The following SZRD1 variants were observed in gnomAD, a reference collection of about 807,000 sequenced individuals.
SZRD1 encodes SUZ RNA-binding domain-containing.
In SZRD1, 7 loss-of-function variants were observed where a neutral mutation model predicts 17.6. The observed-to-expected ratio is 0.40, with a 90% CI of 0.23 to 0.75. The LOEUF is 0.75. SZRD1 is among the 30% of genes least tolerant of loss of function. SZRD1 has a pLI of 0.38. For synonymous variants in SZRD1, 77 were observed against 77.9 expected, an observed-to-expected ratio of 0.99 and a Z score of 0.06; for missense variants, 178 against 201.8, an observed-to-expected ratio of 0.88 and a Z score of 0.71.
At chr1:16,394,330 TG>T (rs542770754) in intron 3 of SZRD1, among the ~76,000 whole-genome samples, 3 of 151,850 alleles carry the variant, frequency 2.0e-5, no homozygotes, top group Admixed American at 2.0e-4. Context: ...AGGGAAGAAT[TG>T]GGGGGCGGGG....
At chr1:16,394,117 G>T (rs1376286752) in intron 3 of SZRD1, among the ~76,000 whole-genome samples, 4 of 152,138 alleles carry the variant, frequency 2.6e-5, no homozygotes, top group Non-Finnish European at 5.9e-5. Context: ...CATTAAGATG[G>T]CCTCCTTCTA....
chr1:16,391,520 TC>T lies in SZRD1; in HGVS notation c.101+98del. Reference sequence around the variant, plus strand: ...CCAGCTGGCCATTAGGATTAGCAGGTCCTAGCAGGTCAGGCTCTGGGGCAGC... The same window carrying T: ...CCAGCTGGCCATTAGGATTAGCAGGTCTAGCAGGTCAGGCTCTGGGGCAGC... On this transcript the variant is annotated intron_variant, in intron 2 of 3. Transcript: ENST00000401088. The surrounding 1 kb of genome is among the most constrained non-coding windows in gnomAD (Gnocchi z 4.3). The T allele has an allele frequency of 9.5e-7, 1 of 1,057,234 alleles. No individual in the cohort carries two copies. Among genetic ancestry groups the T allele is most frequent in the South Asian group, 1.4e-5 (1 of 70,200 alleles). 65.5% of individuals were successfully genotyped at this position (1,057,234 alleles called of 1,614,324 possible).
chr1:16,378,608 G>A (rs1312922706), intron 1 of SZRD1, among the ~76,000 whole-genome samples: 1 of 151,908 alleles, frequency 6.6e-6, no homozygotes, highest in Non-Finnish European at 1.5e-5. Flanking sequence ...ATAGCTTTAA[G>A]ATCGGGGCCT....
At chr1:16,384,946 G>A (rs2083164235) in intron 1 of SZRD1, among the ~76,000 whole-genome samples, 1 of 152,140 alleles carries the variant, frequency 6.6e-6, no homozygotes, top group African/African-American at 2.4e-5. Context: ...CTCAAGGCCA[G>A]TTGTTATTCT....
rs770899882 is a variant in SZRD1, at chr1:16,398,057, C to T, written c.*2917C>T. 5.0e-5 allele frequency: 44 copies of T among 888,026 alleles called. No homozygotes were observed. Among genetic ancestry groups the T allele is most frequent in the Non-Finnish European group, 5.8e-5 (43 of 741,262 alleles). The allele number at this position is 888,026 out of a possible 1,614,324, so 55.0% of individuals were successfully genotyped here. A position where few individuals can be genotyped will look rare whatever the true frequency, so the allele number is the denominator to read the frequency against. ...TGCTGGTGTAGCGGGCAGCTGCCCA[C>T]TCCCACCCCACCCTGCACCGCGGGC... On this transcript the variant is annotated 3_prime_UTR_variant, in exon 4 of 4. Coordinates refer to ENST00000401088, the MANE Select transcript of SZRD1 (RefSeq NM_001114600.3).
chr1:16,394,937 A>T (rs775226261), intron 3 of SZRD1, 101 bp from the exon 4 acceptor site: 7 of 724,734 alleles, frequency 9.7e-6, no homozygotes, highest in Non-Finnish European at 1.6e-5. Flanking sequence ...TCTAGGTGAC[A>T]GAATGAGACT....
intron 1 of SZRD1, among the ~76,000 whole-genome samples, chr1:16,378,859 TG>T (rs1014754131): frequency 2.6e-5 from 4 of 151,992 alleles, no homozygotes; most frequent in African/African-American, 9.7e-5. Flanking sequence ...CCCGAGTAGC[TG>T]GGATTACAGG....
Position 16,395,030 on chromosome 1 carries a change from C to T in SZRD1, c.357-8C>T. 1 of 1,567,956 alleles carries T rather than the reference C, an allele frequency of 6.4e-7. No homozygotes were observed. Among genetic ancestry groups the T allele is most frequent in the Non-Finnish European group, 8.8e-7 (1 of 1,140,208 alleles). On this transcript the variant is annotated splice_polypyrimidine_tract_variant and splice_region_variant and intron_variant, in intron 3 of 3. Transcript: ENST00000401088. ...CTTCAGGCCTTCCTCTGCTTTTCTT[C>T]CTTTCAGGCCAACCAGGATCTCCCA...
intron 1 of SZRD1, among the ~76,000 whole-genome samples, chr1:16,376,720 C>T (rs906932155): frequency 1.3e-5 from 2 of 149,530 alleles, no homozygotes; most frequent in South Asian, 2.1e-4. Flanking sequence ...GCAGGAGAAT[C>T]GCTTGAACTT....
In SZRD1 at chr1:16,393,315, C is replaced by G; in HGVS notation, c.189C>G (p.Leu63=). ...GGCCCCCTCCACAGATCCGCATCCT[C>G]AAGAGGCCCACCAGCAACGGTGTGG... The part of the protein sequence containing the change: ...PAGPPPQIRI[L]KRPTSNGVVS... The change falls in exon 3 of 4, where the codon CTC becomes CTG. Residue 63 remains leucine (L), a synonymous_variant. Coordinates refer to ENST00000401088, the MANE Select transcript of SZRD1 (RefSeq NM_001114600.3). The surrounding 1 kb of genome is among the most constrained non-coding windows in gnomAD (Gnocchi z 5.6). 6.2e-7 allele frequency: 1 copy of G among 1,614,228 alleles called. No individual in the cohort carries two copies. The highest frequency in any genetic ancestry group is 1.6e-4 in the Middle Eastern group (1 of 6,062).
At chr1:16,386,092 C>T (rs1214806400) in intron 1 of SZRD1, among the ~76,000 whole-genome samples, 1 of 152,228 alleles carries the variant, frequency 6.6e-6, no homozygotes, top group African/African-American at 2.4e-5. Flanking sequence ...AGGATTTGGA[C>T]CCGGAACACA....
intron 1 of SZRD1, among the ~76,000 whole-genome samples, chr1:16,384,689 A>G (rs1377369231): frequency 6.6e-6 from 1 of 152,184 alleles, no homozygotes; most frequent in Non-Finnish European, 1.5e-5. Context: ...GCTGTGTGGG[A>G]GTTCAGGGCC....
intron 1 of SZRD1, among the ~76,000 whole-genome samples, chr1:16,388,339 A>T (rs2085162668): frequency 6.6e-6 from 1 of 152,090 alleles, no homozygotes; most frequent in Non-Finnish European, 1.5e-5. Flanking sequence ...ACCTCAAGTG[A>T]TTCACCCACC....
chr1:16,371,464 CTTTT>C (rs1159967607), intron 1 of SZRD1, among the ~76,000 whole-genome samples: 1 of 133,130 alleles, frequency 7.5e-6, no homozygotes, highest in South Asian at 2.4e-4. Context: ...TTTTTTTCCC[CTTTT>C]TTTTTTTTCC....
At chr1:16,378,104 C>T (rs1253174305) in intron 1 of SZRD1, among the ~76,000 whole-genome samples, 5 of 152,038 alleles carry the variant, frequency 3.3e-5, no homozygotes, top group Admixed American at 6.6e-5. Context: ...CTGCCTATCC[C>T]GTTACTTTCA....
At position 16,373,823 on chromosome 1, in the gene SZRD1, G is replaced by C. The variant is rs537600901; in HGVS notation, c.51+6515G>C. Among the ~76,000 whole-genome samples the C allele has an allele frequency of 3.3e-5, 5 of 152,128 alleles. No homozygotes were observed. In the East Asian group the frequency reaches 9.7e-4, roughly 30 times the overall value. On this transcript the variant is annotated intron_variant, in intron 1 of 3. Coordinates refer to ENST00000401088, the MANE Select transcript of SZRD1 (RefSeq NM_001114600.3). Reference sequence around the variant, plus strand: ...TCACCATGTTGCCCATGTTGGTCTCGAATGCCTGAACATAAGTGATCCTCC... The same window carrying C: ...TCACCATGTTGCCCATGTTGGTCTCCAATGCCTGAACATAAGTGATCCTCC...
rs1488928222 is a variant in SZRD1, at chr1:16,397,840, C to G, written c.*2700C>G. The G allele has an allele frequency of 8.0e-6, 2 of 251,042 alleles. No individual in the cohort carries two copies. The highest frequency in any genetic ancestry group is 4.6e-5 in the African/African-American group (2 of 43,258). 15.6% of individuals were successfully genotyped at this position (251,042 alleles called of 1,614,324 possible). On this transcript the variant is annotated 3_prime_UTR_variant, in exon 4 of 4. Coordinates refer to ENST00000401088, the MANE Select transcript of SZRD1 (RefSeq NM_001114600.3). The surrounding 1 kb of genome is among the most constrained non-coding windows in gnomAD (Gnocchi z 5.4). Reference sequence around the variant, plus strand: ...CTGCCCTGCCCAGCCATACCCTGCTCTGCCCCATCTGGGGGTGCCCTGCTC... The same window carrying G: ...CTGCCCTGCCCAGCCATACCCTGCTGTGCCCCATCTGGGGGTGCCCTGCTC...
Position 16,393,585 on chromosome 1 carries a change from C to G in SZRD1, c.356+103C>G. ...TAGAGTAGTGAGAAGCAAGCAGAGTCAGGGTAGGAACCATGCAGCTCCACT... is the reference window on the plus strand; with the variant it reads ...TAGAGTAGTGAGAAGCAAGCAGAGTGAGGGTAGGAACCATGCAGCTCCACT... On this transcript the variant is annotated intron_variant, in intron 3 of 3. Coordinates refer to ENST00000401088, the MANE Select transcript of SZRD1 (RefSeq NM_001114600.3). This position sits in a 1 kb window ranked among gnomAD's most constrained non-coding sequence, Gnocchi z 5.6. 2 of 1,293,270 alleles carry G rather than the reference C, an allele frequency of 1.5e-6. No homozygotes were observed. Among genetic ancestry groups the G allele is most frequent in the Non-Finnish European group, 2.1e-6 (2 of 944,096 alleles). The allele number at this position is 1,293,270 out of a possible 1,614,324, so 80.1% of individuals were successfully genotyped here.
chr1:16,391,922 A>G lies in SZRD1; in HGVS notation c.101+498A>G, dbSNP rs888341690. On this transcript the variant is annotated intron_variant, in intron 2 of 3. Coordinates refer to ENST00000401088, the MANE Select transcript of SZRD1 (RefSeq NM_001114600.3). The surrounding 1 kb of genome is among the most constrained non-coding windows in gnomAD (Gnocchi z 4.3). ...AATAGCTTTGTTTTCCACCTAGACGACAGAGGAGGGTGTTTCCAGAGTAGG... is the reference window on the plus strand; with the variant it reads ...AATAGCTTTGTTTTCCACCTAGACGGCAGAGGAGGGTGTTTCCAGAGTAGG... Among the ~76,000 whole-genome samples the G allele has an allele frequency of 6.6e-6, 1 of 152,130 alleles. No individual in the cohort carries two copies. Among genetic ancestry groups the G allele is most frequent in the African/African-American group, 2.4e-5 (1 of 41,436 alleles).
Sources: allele counts gnomAD v4.1 joint callset (sites outside exome capture counted in the v4.1 genomes callset), GRCh38; gene constraint gnomAD v4.1.1; non-coding constraint Gnocchi (gnomAD v3.1); transcripts MANE v1.5; gene names NCBI Gene and HGNC (gene_info 2026-07-23, HGNC 2026-07-21).